The following DNASE1L3 variants were observed in gnomAD, a reference collection of about 807,000 sequenced individuals.
The protein encoded by DNASE1L3 is deoxyribonuclease 1L3.
In DNASE1L3, 27 loss-of-function variants were observed where a neutral mutation model predicts 30.9. The ratio of observed to expected loss-of-function variants is 0.87; its 90% CI spans 0.64 to 1.20. The LOEUF is 1.20. Ranked by LOEUF, DNASE1L3 falls within the 50% of genes most tolerant of loss-of-function variation. DNASE1L3 has a pLI of 0.00. For synonymous variants in DNASE1L3, 135 were observed against 138.0 expected (o/e 0.98, Z 0.15); for missense variants, 364 against 378.2 (o/e 0.96, Z 0.31).
chr3:58,198,281 A>G (rs2097398606), intron 5 of DNASE1L3, among the ~76,000 whole-genome samples: 1 of 152,238 alleles, frequency 6.6e-6, no homozygotes, highest in African/African-American at 2.4e-5. Context: ...AGGGGAAATT[A>G]GGACACAGAA....
intron 5 of DNASE1L3, among the ~76,000 whole-genome samples, chr3:58,198,694 C>T (rs1012822719): frequency 6.6e-6 from 1 of 152,216 alleles, no homozygotes; most frequent in African/African-American, 2.4e-5. Context: ...TATTCCCTCA[C>T]ATCTTTTGTC....
intron 6 of DNASE1L3, among the ~76,000 whole-genome samples, chr3:58,194,803 AT>A (rs1266858300): frequency 2.0e-5 from 3 of 147,976 alleles, no homozygotes. Flanking sequence ...TTTTTTTTGT[AT>A]TTTTTAGTAG....
intron 4 of DNASE1L3, among the ~76,000 whole-genome samples, chr3:58,204,465 G>A (rs1291339630): frequency 6.6e-6 from 1 of 152,110 alleles, no homozygotes; most frequent in African/African-American, 2.4e-5. Flanking sequence ...GGAAGGAAGA[G>A]TTGTACTTGA....
rs34773952 is a variant in DNASE1L3, at chr3:58,195,613, C to CAAAAAA, written c.705-2180_705-2175dup. ...CGAAACCCCATCTCTACTAAAATTACAAAAAAAAAAAAAAAAAAAAAAAAA... is the reference window on the plus strand; with the variant it reads ...CGAAACCCCATCTCTACTAAAATTACAAAAAAAAAAAAAAAAAAAAAAAAAAAAAAA... On this transcript the variant is annotated intron_variant, in intron 6 of 7. Transcript: ENST00000394549. 6.8e-3 allele frequency among the ~76,000 whole-genome samples: 260 copies of CAAAAAA among 38,444 alleles called. 34 individuals are homozygous for CAAAAAA. Among genetic ancestry groups the CAAAAAA allele is most frequent in the African/African-American group, 0.016 (184 of 11,438 alleles). 25.2% of individuals were successfully genotyped at this position (38,444 alleles called of 152,430 possible). A position where few individuals can be genotyped will look rare whatever the true frequency, so the allele number is the denominator to read the frequency against.
At chr3:58,208,083 G>A (rs2097405252) in intron 2 of DNASE1L3, 135 bp downstream of exon 2, 1 of 770,260 alleles carries the variant, frequency 1.3e-6, no homozygotes, top group East Asian at 2.5e-5. Flanking sequence ...TAAGGGAGCT[G>A]GACTCCTGGG....
Position 58,205,531 on chromosome 3 carries a change from T to C in DNASE1L3, c.260A>G (p.Tyr87Cys), listed in dbSNP as rs779923120. ...TCTTCCAAGCCGAGAGCTAATCACA[T>C]AGTTGTACGTTATGCCTCTCCTTGA... ...RNSRRGITYN[Y>C]VISSRLGRNT... The change falls in exon 3 of 8, where the codon TAT becomes TGT. Residue 87 changes from tyrosine to cysteine, a missense_variant. By Grantham distance (194) the Tyr-to-Cys change is radical. Transcript: ENST00000394549. 4.3e-6 allele frequency: 7 copies of C among 1,613,986 alleles called. No homozygotes were observed. The highest frequency in any genetic ancestry group is 5.1e-6 in the Non-Finnish European group (6 of 1,179,918).
At chr3:58,193,517 G>C in intron 6 of DNASE1L3, 78 bp from the exon 7 acceptor site, 1 of 1,308,846 alleles carries the variant, frequency 7.6e-7, no homozygotes, top group Non-Finnish European at 1.1e-6. Context: ...TGTGTTTGCT[G>C]TCTGGAATTA....
In DNASE1L3 at chr3:58,205,515, C is replaced by G. The variant is rs17058970; in HGVS notation, c.276G>C (p.Arg92=). ...GTTCTTTATATGTGTTTCTTCCAAG[C>G]CGAGAGCTAATCACATAGTTGTACG... The part of the protein sequence containing the change: ...GITYNYVISS[R]LGRNTYKEQY... The change falls in exon 3 of 8, where the codon CGG becomes CGC. Residue 92 remains arginine, a synonymous_variant. Coordinates refer to ENST00000394549, the MANE Select transcript of DNASE1L3 (RefSeq NM_004944.4). The G allele has an allele frequency of 0.094, 151,677 of 1,613,570 alleles. 8,704 individuals are homozygous for G. The highest frequency in any genetic ancestry group is 0.25 in the African/African-American group (18,683 of 74,996).
At chr3:58,209,168 G>A (rs2097405924) in intron 1 of DNASE1L3, among the ~76,000 whole-genome samples, 1 of 152,222 alleles carries the variant, frequency 6.6e-6, no homozygotes, top group Non-Finnish European at 1.5e-5. Flanking sequence ...TCGGGTGACT[G>A]TGAGTGCCCT....
At chr3:58,205,427 G>T in intron 3 of DNASE1L3, 44 bp downstream of exon 3, 1 of 1,527,700 alleles carries the variant, frequency 6.5e-7, no homozygotes, top group Non-Finnish European at 9.1e-7. Context: ...TTCAATTCAC[G>T]ATTTATTGGT....
At chr3:58,196,092 A>ACC (rs2107368628) in intron 6 of DNASE1L3, among the ~76,000 whole-genome samples, 1 of 152,220 alleles carries the variant, frequency 6.6e-6, no homozygotes, top group South Asian at 2.1e-4. Context: ...ACGGGCACAC[A>ACC]ACTGCCATGT....
rs376894478 is a variant in DNASE1L3 at position 58,208,279 on chromosome 3, C to T, written c.169G>A (p.Val57Met). Reference sequence around the variant, plus strand: ...TTGTTGCTGTCCTTGATTTCCATCACGAGTATGATGTCACAGCGTTTGATG... The same window carrying T: ...TTGTTGCTGTCCTTGATTTCCATCATGAGTATGATGTCACAGCGTTTGATG... ...KVIKRCDIIL[V>M]MEIKDSNNRI... Residue 57 changes from valine to methionine, a missense_variant, in exon 2 of 8, where the codon GTG (valine) becomes ATG (methionine). Coordinates refer to ENST00000394549, the MANE Select transcript of DNASE1L3 (RefSeq NM_004944.4). 14 of 1,614,070 alleles carry T rather than the reference C, an allele frequency of 8.7e-6. No homozygotes were observed. Among genetic ancestry groups the T allele is most frequent in the African/African-American group, 2.7e-5 (2 of 74,914 alleles).
chr3:58,193,053 T>A, intron 7 of DNASE1L3: 2 of 1,422,504 alleles, frequency 1.4e-6, no homozygotes, highest in Non-Finnish European at 9.1e-7. Flanking sequence ...AGTGGTGACC[T>A]CAAAGGGTGG....
chr3:58,194,802 TA>T (rs1044851658), intron 6 of DNASE1L3, among the ~76,000 whole-genome samples: 12 of 151,758 alleles, frequency 7.9e-5, no homozygotes, highest in Non-Finnish European at 1.3e-4. Flanking sequence ...ATTTTTTTTG[TA>T]TTTTTTAGTA....
intron 5 of DNASE1L3, 63 bp from the exon 6 acceptor site, chr3:58,198,041 ACT>A: frequency 6.5e-7 from 1 of 1,535,920 alleles, no homozygotes; most frequent in South Asian, 1.3e-5. Flanking sequence ...TTCACACTGG[ACT>A]CTAGCAAAGA....
intron 6 of DNASE1L3, among the ~76,000 whole-genome samples, chr3:58,195,611 T>TAAAA (rs1195084305): frequency 3.4e-4 from 3 of 8,902 alleles, no homozygotes; most frequent in African/African-American, 6.4e-4. Context: ...CTACTAAAAT[T>TAAAA]ACAAAAAAAA....
chr3:58,192,938 T>C lies in DNASE1L3; in HGVS notation c.802-135A>G. 6.8e-7 allele frequency: 1 copy of C among 1,464,886 alleles called. No homozygotes were observed. Among genetic ancestry groups the C allele is most frequent in the South Asian group, 1.5e-5 (1 of 68,660 alleles). The allele number at this position is 1,464,886 out of a possible 1,614,324, so 90.7% of individuals were successfully genotyped here. On this transcript the variant is annotated intron_variant, in intron 7 of 7. Coordinates refer to ENST00000394549, the MANE Select transcript of DNASE1L3 (RefSeq NM_004944.4). The surrounding 1 kb of genome is among the most constrained non-coding windows in gnomAD (Gnocchi z 4.8). ...AGTCACCCCACAGAACACTTACTGG[T>C]AAGCGTCATTCCAAGACCAGCTCGA... is the stretch of plus-strand genomic sequence containing the variant.
chr3:58,198,659 T>C (rs1388032409), intron 5 of DNASE1L3, among the ~76,000 whole-genome samples: 2 of 152,160 alleles, frequency 1.3e-5, no homozygotes, highest in Non-Finnish European at 2.9e-5. Flanking sequence ...GAGTCAGGTG[T>C]GGATAAAAAA....
Position 58,192,935 on chromosome 3 carries a change from T to A in DNASE1L3, c.802-132A>T. 6.8e-7 allele frequency: 1 copy of A among 1,469,534 alleles called. No individual in the cohort carries two copies. Among genetic ancestry groups the A allele is most frequent in the Non-Finnish European group, 8.9e-7 (1 of 1,118,042 alleles). 91.0% of individuals were successfully genotyped at this position (1,469,534 alleles called of 1,614,324 possible). A position where few individuals can be genotyped will look rare whatever the true frequency, so the allele number is the denominator to read the frequency against. ...CGAAGTCACCCCACAGAACACTTAC[T>A]GGTAAGCGTCATTCCAAGACCAGCT... On this transcript the variant is annotated intron_variant, in intron 7 of 7. Transcript: ENST00000394549. The surrounding 1 kb of genome is among the most constrained non-coding windows in gnomAD (Gnocchi z 4.8).
Sources: gnomAD v4.1 joint callset for allele counts (sites outside exome capture counted in the v4.1 genomes callset) on GRCh38, gnomAD v4.1.1 for gene constraint, Gnocchi (gnomAD v3.1) non-coding constraint, MANE v1.5 for transcripts, NCBI Gene and HGNC (gene_info 2026-07-23, HGNC 2026-07-21) for gene names.